The following KCMF1 variants were observed in gnomAD, a reference collection of about 807,000 sequenced individuals.
The protein encoded by KCMF1 is potassium channel modulatory factor 1.
Under a neutral mutation model 41.1 loss-of-function variants are expected in KCMF1, and 3 were observed. The ratio of observed to expected loss-of-function variants is 0.07; its 90% CI spans 0.03 to 0.19. The LOEUF (loss-of-function observed/expected upper bound fraction) is 0.19. Among genes scored for constraint, KCMF1 ranks in the 10% least tolerant of loss-of-function variants. The pLI is 1.00. For missense variants in KCMF1, 286 were observed against 488.9 expected, an observed-to-expected ratio of 0.58 and a Z score of 3.91; for synonymous variants, 142 against 164.5, an observed-to-expected ratio of 0.86 and a Z score of 1.04.
At chr2:84,981,430 C>T (rs1673750235) in intron 1 of KCMF1, among the ~76,000 whole-genome samples, 2 of 151,998 alleles carry the variant, frequency 1.3e-5, no homozygotes. Flanking sequence ...ACCTCGTGAT[C>T]CACCCACCTC....
chr2:85,001,945 G>C (rs1330490915), intron 1 of KCMF1, among the ~76,000 whole-genome samples: 2 of 152,048 alleles, frequency 1.3e-5, no homozygotes, highest in African/African-American at 4.8e-5. Flanking sequence ...CAATACTGTA[G>C]GCAGTTATAA....
chr2:85,007,917 C>G (rs770510933), intron 1 of KCMF1, among the ~76,000 whole-genome samples: 20 of 152,106 alleles, frequency 1.3e-4, no homozygotes, highest in Non-Finnish European at 2.5e-4. Context: ...ACTGCCACCA[C>G]GCCTGGCTAA....
chr2:84,971,739 A>G (rs1185622938), intron 1 of KCMF1, among the ~76,000 whole-genome samples: 2 of 139,486 alleles, frequency 1.4e-5, no homozygotes, highest in African/African-American at 5.3e-5. Flanking sequence ...GGGGGAGGGG[A>G]GGCGGCGGGG....
At chr2:85,043,945 T>C (rs576831592) in intron 4 of KCMF1, among the ~76,000 whole-genome samples, 1 of 152,340 alleles carries the variant, frequency 6.6e-6, no homozygotes, top group African/African-American at 2.4e-5. Flanking sequence ...TTCCTAAAAG[T>C]GACTCAGTGC....
intron 1 of KCMF1, among the ~76,000 whole-genome samples, chr2:85,017,291 G>A (rs1231516571): frequency 6.6e-6 from 1 of 150,938 alleles, no homozygotes; most frequent in Non-Finnish European, 1.5e-5. Context: ...CTCCCAAAGT[G>A]CTGGGATTAC....
intron 1 of KCMF1, among the ~76,000 whole-genome samples, chr2:85,008,948 T>C (rs1195190853): frequency 6.6e-6 from 1 of 152,038 alleles, no homozygotes; most frequent in African/African-American, 2.4e-5. Context: ...CTGGTTGGTC[T>C]CAAACTCTTG....
At chr2:85,050,939 G>C (rs934977550) in intron 6 of KCMF1, among the ~76,000 whole-genome samples, 1 of 152,192 alleles carries the variant, frequency 6.6e-6, no homozygotes, top group Admixed American at 6.5e-5. Context: ...CCTCAGGCAA[G>C]TCATTTCACT....
At chr2:85,031,460 C>CT (rs1238893552) in intron 2 of KCMF1, among the ~76,000 whole-genome samples, 1 of 152,070 alleles carries the variant, frequency 6.6e-6, no homozygotes, top group East Asian at 1.9e-4. Context: ...AGAAACAGAA[C>CT]TTTAAGGACA....
intron 6 of KCMF1, 62 bp downstream of exon 6, chr2:85,049,710 G>C (rs1208211378): frequency 7.6e-7 from 1 of 1,314,988 alleles, no homozygotes; most frequent in Non-Finnish European, 1.1e-6. Context: ...CTACAGTCTG[G>C]AATTATCTTT....
intron 1 of KCMF1, among the ~76,000 whole-genome samples, chr2:85,005,165 C>G (rs1199703648): frequency 2.0e-5 from 3 of 152,120 alleles, no homozygotes; most frequent in Non-Finnish European, 2.9e-5. Flanking sequence ...CCTCAGCCTC[C>G]CAAAGTGCTG....
intron 1 of KCMF1, among the ~76,000 whole-genome samples, chr2:84,996,429 G>GTTTTTTTTT: frequency 7.1e-6 from 1 of 140,860 alleles, no homozygotes; most frequent in African/African-American, 2.8e-5. Flanking sequence ...AATAACCTAA[G>GTTTTTTTTT]ATTTTTTTTT....
chr2:85,019,778 GTATA>G (rs1016245198), intron 1 of KCMF1, among the ~76,000 whole-genome samples: 3 of 151,056 alleles, frequency 2.0e-5, no homozygotes, highest in Non-Finnish European at 2.9e-5. Flanking sequence ...ACATATACGT[GTATA>G]TATATACGTA....
intron 1 of KCMF1, among the ~76,000 whole-genome samples, chr2:85,025,596 G>A (rs1184223434): frequency 4.6e-5 from 7 of 151,934 alleles, no homozygotes; most frequent in Admixed American, 4.6e-4. Flanking sequence ...CATCTCGATG[G>A]AATCACAAAT....
chr2:84,975,919 G>A (rs920964279), intron 1 of KCMF1, among the ~76,000 whole-genome samples: 2 of 152,332 alleles, frequency 1.3e-5, no homozygotes, highest in South Asian at 2.1e-4. Context: ...CTAGGTACAT[G>A]TGTCGCCTTA....
intron 1 of KCMF1, among the ~76,000 whole-genome samples, chr2:84,977,377 C>T (rs915277571): frequency 1.3e-5 from 2 of 152,140 alleles, no homozygotes; most frequent in Non-Finnish European, 2.9e-5. Context: ...CTTCTTACAA[C>T]TTATTGTACT....
intron 1 of KCMF1, among the ~76,000 whole-genome samples, chr2:85,008,191 G>A (rs80045050): frequency 0.015 from 2,023 of 134,270 alleles, 27 homozygotes; most frequent in South Asian, 0.063. Flanking sequence ...GGATCAATAC[G>A]TAACCTTGTT....
chr2:85,008,955 CT>C (rs1348326331), intron 1 of KCMF1, among the ~76,000 whole-genome samples: 7 of 151,998 alleles, frequency 4.6e-5, no homozygotes, highest in Non-Finnish European at 1.0e-4. Flanking sequence ...GTCTCAAACT[CT>C]TGGGCTCTAG....
At chr2:84,980,827 G>A (rs1407230205) in intron 1 of KCMF1, among the ~76,000 whole-genome samples, 2 of 151,978 alleles carry the variant, frequency 1.3e-5, no homozygotes, top group African/African-American at 4.8e-5. Context: ...TTTTTGTAGA[G>A]ATAGGGTCTC....
intron 4 of KCMF1, among the ~76,000 whole-genome samples, chr2:85,045,855 A>G (rs530389743): frequency 6.6e-6 from 1 of 152,288 alleles, no homozygotes; most frequent in East Asian, 1.9e-4. Flanking sequence ...TTCATGAGCT[A>G]TATAGAGAAA....
Sources: allele counts gnomAD v4.1 joint callset (sites outside exome capture counted in the v4.1 genomes callset), GRCh38; gene constraint gnomAD v4.1.1; transcripts MANE v1.5; gene names NCBI Gene and HGNC (gene_info 2026-07-23, HGNC 2026-07-21).